IL1RAPL2: variants seen among roughly 807,000 people sequenced by gnomAD.
The protein encoded by IL1RAPL2 is interleukin 1 receptor accessory protein like 2.
IL1RAPL2 carries 3 observed loss-of-function variants against 44.1 expected under a neutral mutation model. The observed-to-expected ratio is 0.07, with a 90% CI of 0.03 to 0.18. The LOEUF is 0.18. IL1RAPL2 is among the 10% of genes least tolerant of loss of function. The pLI is 1.00. For synonymous variants in IL1RAPL2, 181 were observed against 178.8 expected (o/e 1.01, Z -0.10); for missense variants, 391 against 496.4 (o/e 0.79, Z 2.02).
chrX:105,304,017 G>A (rs1293442584), intron 5 of IL1RAPL2, among the ~76,000 whole-genome samples: 1 of 112,817 alleles, frequency 8.9e-6, no homozygotes, highest in African/African-American at 3.2e-5. Flanking sequence ...GAGGCTCCAG[G>A]GACAGCCCCT....
chrX:104,949,343 A>C (rs1188477345), intron 2 of IL1RAPL2, among the ~76,000 whole-genome samples: 2 of 110,338 alleles, frequency 1.8e-5, no homozygotes, highest in Non-Finnish European at 3.8e-5. Context: ...CAGTCTATCT[A>C]TTTTGTTGAT....
chrX:104,695,856 G>GGA (rs1931173330), intron 2 of IL1RAPL2, among the ~76,000 whole-genome samples: 1 of 111,066 alleles, frequency 9.0e-6, no homozygotes, highest in African/African-American at 3.3e-5. Context: ...CACCCAAGCT[G>GGA]GAGTACAATG....
intron 2 of IL1RAPL2, among the ~76,000 whole-genome samples, chrX:104,853,348 A>G (rs5962990): frequency 0.34 from 37,366 of 110,496 alleles, 5,472 homozygotes; most frequent in East Asian, 0.46. Context: ...TTGGGCTAGG[A>G]TACAAGGATA....
At chrX:104,753,586 T>C (rs1241637199) in intron 2 of IL1RAPL2, among the ~76,000 whole-genome samples, 1 of 111,786 alleles carries the variant, frequency 8.9e-6, no homozygotes, top group African/African-American at 3.2e-5. Context: ...TATTGTCCAG[T>C]GAACTTGCTT....
At chrX:105,581,785 C>A (rs1163071180) in intron 6 of IL1RAPL2, among the ~76,000 whole-genome samples, 1 of 111,221 alleles carries the variant, frequency 9.0e-6, no homozygotes, top group African/African-American at 3.3e-5. Flanking sequence ...TTACAACCAT[C>A]CAAGCAGTAT....
At position 105,549,718 on chromosome X, in the gene IL1RAPL2, G is replaced by T. The variant is rs116313139; in HGVS notation, c.772+65331G>T. On this transcript the variant is annotated intron_variant, in intron 6 of 10. Transcript: ENST00000372582. Reference sequence around the variant, plus strand: ...TGCTCCCTCCCACTACCTTTCATAGGTATAAACATCCTAAAAACCCAGGAT... The same window carrying T: ...TGCTCCCTCCCACTACCTTTCATAGTTATAAACATCCTAAAAACCCAGGAT... Among the ~76,000 whole-genome samples, 518 of 111,085 alleles carry T rather than the reference G, an allele frequency of 4.7e-3. 5 individuals are homozygous for T. Among genetic ancestry groups the T allele is most frequent in the African/African-American group, 0.016 (497 of 30,521 alleles).
chrX:105,146,914 T>C (rs974932931), intron 2 of IL1RAPL2, among the ~76,000 whole-genome samples: 1 of 111,736 alleles, frequency 8.9e-6, no homozygotes, highest in African/African-American at 3.3e-5. Flanking sequence ...GTATTATAGG[T>C]CATAGATTTT....
At chrX:104,742,664 G>T (rs1337322868) in intron 2 of IL1RAPL2, among the ~76,000 whole-genome samples, 2 of 111,451 alleles carry the variant, frequency 1.8e-5, no homozygotes, top group African/African-American at 6.5e-5. Context: ...TTGGTTGACT[G>T]TACATATTCC....
chrX:105,754,441 A>G (rs2038620985), intron 9 of IL1RAPL2, among the ~76,000 whole-genome samples: 1 of 112,409 alleles, frequency 8.9e-6, no homozygotes, highest in Non-Finnish European at 1.9e-5. Context: ...TACACTTGCA[A>G]AGCACAGTTA....
chrX:105,719,746 T>TAAAA (rs3038940), intron 7 of IL1RAPL2, among the ~76,000 whole-genome samples: 2 of 99,784 alleles, frequency 2.0e-5, no homozygotes, highest in East Asian at 3.1e-4. Flanking sequence ...CTGTTTTTCT[T>TAAAA]AAAAAAAAAA....
At chrX:105,557,122 A>G (rs1455278544) in intron 6 of IL1RAPL2, among the ~76,000 whole-genome samples, 2 of 112,021 alleles carry the variant, frequency 1.8e-5, no homozygotes, top group Non-Finnish European at 3.8e-5. Flanking sequence ...AGCGAATTAT[A>G]TCATACTGTG....
chrX:105,191,573 A>G (rs781877964), intron 2 of IL1RAPL2, among the ~76,000 whole-genome samples: 2 of 112,203 alleles, frequency 1.8e-5, no homozygotes, highest in African/African-American at 3.2e-5. Flanking sequence ...TTTGAGCCTT[A>G]TAGAAATCTA....
At chrX:105,293,862 AC>A (rs1236243021) in intron 5 of IL1RAPL2, among the ~76,000 whole-genome samples, 2 of 112,292 alleles carry the variant, frequency 1.8e-5, no homozygotes, top group African/African-American at 6.5e-5. Flanking sequence ...AATAACAGAT[AC>A]ATTTGAGCTA....
At chrX:105,031,861 T>A (rs1489935984) in intron 2 of IL1RAPL2, among the ~76,000 whole-genome samples, 1 of 111,730 alleles carries the variant, frequency 9.0e-6, no homozygotes, top group Non-Finnish European at 1.9e-5. Context: ...GGTCCTGGAC[T>A]TTTTTTGGTT....
At chrX:105,178,200 A>C in intron 2 of IL1RAPL2, among the ~76,000 whole-genome samples, 1 of 111,193 alleles carries the variant, frequency 9.0e-6, no homozygotes, top group Non-Finnish European at 1.9e-5. Flanking sequence ...CAATTCTTTT[A>C]GCTCCCAATA....
chrX:104,737,118 G>C (rs1163369021), intron 2 of IL1RAPL2, among the ~76,000 whole-genome samples: 3 of 112,557 alleles, frequency 2.7e-5, no homozygotes, highest in Non-Finnish European at 5.6e-5. Context: ...GCCCATCTCA[G>C]TTCAAGTCAG....
chrX:104,620,435 C>T (rs1316384024), intron 1 of IL1RAPL2, among the ~76,000 whole-genome samples: 1 of 106,934 alleles, frequency 9.4e-6, no homozygotes. Context: ...GTCAGGAGAT[C>T]GAGACCATCC....
intron 2 of IL1RAPL2, among the ~76,000 whole-genome samples, chrX:104,835,308 T>A (rs1413975550): frequency 9.0e-6 from 1 of 111,170 alleles, no homozygotes; most frequent in Non-Finnish European, 1.9e-5. Flanking sequence ...AACAACTATG[T>A]TTGAGCATTG....
At chrX:105,195,355 G>A in intron 2 of IL1RAPL2, 120 bp from the exon 3 acceptor site, 1 of 663,746 alleles carries the variant, frequency 1.5e-6, no homozygotes, top group Non-Finnish European at 2.4e-6. Flanking sequence ...AGGATTACTG[G>A]GAAGATTGAA....
Sources: gnomAD v4.1 joint callset for allele counts (sites outside exome capture counted in the v4.1 genomes callset) on GRCh38, gnomAD v4.1.1 for gene constraint, MANE v1.5 for transcripts, NCBI Gene and HGNC (gene_info 2026-07-23, HGNC 2026-07-21) for gene names.